PTPN14: variants seen among roughly 807,000 people sequenced by gnomAD.
The protein encoded by PTPN14 is protein tyrosine phosphatase non-receptor type 14.
PTPN14 carries 53 observed loss-of-function variants against 126.8 expected under a neutral mutation model. The observed-to-expected ratio is 0.42, with a 90% CI of 0.34 to 0.53. The LOEUF is 0.53. PTPN14 is among the 20% of genes least tolerant of loss of function. The pLI, the probability that PTPN14 is intolerant of heterozygous loss-of-function variation, is 0.08. For synonymous variants in PTPN14, 630 were observed against 599.3 expected (o/e 1.05, Z -0.75); for missense variants, 1,257 against 1,552.9 (o/e 0.81, Z 3.20).
At chr1:214,528,102 A>G (rs2102465698) in intron 1 of PTPN14, among the ~76,000 whole-genome samples, 1 of 152,364 alleles carries the variant, frequency 6.6e-6, no homozygotes, top group East Asian at 1.9e-4. Context: ...GTGACTAAAT[A>G]CAGCCTTACA....
At chr1:214,377,457 G>A (rs3013452) in intron 14 of PTPN14, among the ~76,000 whole-genome samples, 5 of 152,016 alleles carry the variant, frequency 3.3e-5, no homozygotes, top group Non-Finnish European at 7.4e-5. Context: ...GAAATAATAC[G>A]TACAACAAAC....
chr1:214,505,454 G>C (rs1190803992), intron 1 of PTPN14, among the ~76,000 whole-genome samples: 3 of 152,198 alleles, frequency 2.0e-5, no homozygotes, highest in East Asian at 1.9e-4. Context: ...GTCCCTTCGG[G>C]GGGGTGGGGT....
At chr1:214,402,459 A>AAAAAAAAAAAAAAAAAAAAAC (rs1659045824) in intron 6 of PTPN14, among the ~76,000 whole-genome samples, 1 of 141,984 alleles carries the variant, frequency 7.0e-6, no homozygotes, top group Non-Finnish European at 1.5e-5. Context: ...AAAAAAAAAA[A>AAAAAAAAAAAAAAAAAAAAAC]GCCACGATGA....
At chr1:214,428,355 A>G (rs569945517) in intron 3 of PTPN14, among the ~76,000 whole-genome samples, 11 of 152,318 alleles carry the variant, frequency 7.2e-5, no homozygotes, top group African/African-American at 2.4e-4. Context: ...GACAGACAAA[A>G]CAGATTTGGG....
chr1:214,504,326 G>A (rs77184811), intron 1 of PTPN14, among the ~76,000 whole-genome samples: 8,519 of 152,070 alleles, frequency 0.056, 270 homozygotes, highest in Middle Eastern at 0.13. Context: ...GGCAAGCACC[G>A]GGCAATGGGC....
At chr1:214,459,539 G>C (rs1660462161) in intron 2 of PTPN14, among the ~76,000 whole-genome samples, 1 of 140,966 alleles carries the variant, frequency 7.1e-6, no homozygotes, top group South Asian at 2.2e-4. Flanking sequence ...GCGCGATCTT[G>C]GTTCACTGCA....
chr1:214,464,271 T>G (rs968671650), intron 2 of PTPN14, among the ~76,000 whole-genome samples: 1 of 149,888 alleles, frequency 6.7e-6, no homozygotes, highest in African/African-American at 2.4e-5. Flanking sequence ...TTTTTTCTCC[T>G]TAATGTGCAG....
rs374816833 is a variant in PTPN14, at chr1:214,452,162, T to C, written c.175-188A>G. Among the ~76,000 whole-genome samples the C allele has an allele frequency of 6.8e-4, 104 of 152,336 alleles. 1 individual carries two copies. The highest frequency in any genetic ancestry group is 2.4e-3 in the African/African-American group (98 of 41,586). ...CAACCACACACTACTGTAACATACATGGAGTATCCAGATGCAGTATCCCTA... is the reference window on the plus strand; with the variant it reads ...CAACCACACACTACTGTAACATACACGGAGTATCCAGATGCAGTATCCCTA... On this transcript the variant is annotated intron_variant, in intron 2 of 18. Coordinates refer to ENST00000366956, the MANE Select transcript of PTPN14 (RefSeq NM_005401.5).
chr1:214,421,697 T>C (rs1302499026), intron 3 of PTPN14, among the ~76,000 whole-genome samples: 1 of 152,112 alleles, frequency 6.6e-6, no homozygotes, highest in African/African-American at 2.4e-5. Context: ...TATTTTTTTT[T>C]CCAACTTCAT....
chr1:214,485,885 C>T (rs993194177), intron 1 of PTPN14, among the ~76,000 whole-genome samples: 1 of 152,148 alleles, frequency 6.6e-6, no homozygotes, highest in Admixed American at 6.5e-5. Context: ...GCCGCCACAC[C>T]CAGCTAATTT....
intron 1 of PTPN14, among the ~76,000 whole-genome samples, chr1:214,513,986 A>G (rs1218440705): frequency 1.3e-5 from 2 of 152,184 alleles, no homozygotes; most frequent in Admixed American, 1.3e-4. Flanking sequence ...TAAAATAGGG[A>G]CAGAATTTCA....
intron 1 of PTPN14, among the ~76,000 whole-genome samples, chr1:214,467,524 T>C (rs1179920708): frequency 6.6e-6 from 1 of 151,910 alleles, no homozygotes; most frequent in Non-Finnish European, 1.5e-5. Flanking sequence ...AAATAAAAAG[T>C]AAACTTTAAA....
chr1:214,521,789 T>C (rs907510972), intron 1 of PTPN14, among the ~76,000 whole-genome samples: 2 of 151,230 alleles, frequency 1.3e-5, no homozygotes, highest in African/African-American at 4.9e-5. Context: ...CAACTAAAGG[T>C]AGGAAAATAC....
chr1:214,458,965 A>G (rs1486407171), intron 2 of PTPN14, among the ~76,000 whole-genome samples: 6 of 54,576 alleles, frequency 1.1e-4, no homozygotes, highest in African/African-American at 5.9e-4. Context: ...TGAGCTTCCT[A>G]TATCTCTGGA....
chr1:214,549,061 A>G (rs1290128532), intron 1 of PTPN14, among the ~76,000 whole-genome samples: 2 of 152,194 alleles, frequency 1.3e-5, no homozygotes, highest in Non-Finnish European at 2.9e-5. Flanking sequence ...TCCTGAGATA[A>G]GAAAAGATGC....
At chr1:214,461,014 G>A (rs938698690) in intron 2 of PTPN14, among the ~76,000 whole-genome samples, 1 of 152,036 alleles carries the variant, frequency 6.6e-6, no homozygotes, top group Non-Finnish European at 1.5e-5. Flanking sequence ...CACTCAGGGG[G>A]TGATGTTGAC....
chr1:214,549,327 C>T (rs923883796), intron 1 of PTPN14, among the ~76,000 whole-genome samples: 4 of 152,024 alleles, frequency 2.6e-5, no homozygotes, highest in African/African-American at 9.7e-5. Context: ...CATTAGTCTA[C>T]AAAAATGTGC....
At chr1:214,367,091 T>C (rs1423001969) in intron 17 of PTPN14, among the ~76,000 whole-genome samples, 1 of 152,238 alleles carries the variant, frequency 6.6e-6, no homozygotes, top group Non-Finnish European at 1.5e-5. Flanking sequence ...AAGCTCACTC[T>C]TTCATCAGAG....
rs773153782 is a variant in PTPN14, at chr1:214,384,183, T to A, written c.1672A>T (p.Met558Leu). 3.1e-6 allele frequency: 5 copies of A among 1,605,152 alleles called. No individual in the cohort carries two copies. The South Asian group carries it at 5.6e-5, about 18-fold the overall frequency. The change falls in exon 13 of 19, where the codon ATG (methionine) becomes TTG (leucine). Residue 558 changes from methionine (M) to leucine (L), a missense_variant. Around this residue, in one of 3 missense-constraint regions of PTPN14, gnomAD observed 1,021 missense variants for 1,183.3 expected, o/e 0.86. Transcript: ENST00000366956. The surrounding 1 kb of genome is among the most constrained non-coding windows in gnomAD (Gnocchi z 5.3). Reference sequence around the variant, plus strand: ...GGCCTGAAGAGATAGTTCTTAAGCATGTGGGCCGTGCTGTAGTTATGGCTG... The same window carrying A: ...GGCCTGAAGAGATAGTTCTTAAGCAAGTGGGCCGTGCTGTAGTTATGGCTG... ...QGSHNYSTAH[M>L]LKNYLFRPPP...
Sources: allele counts gnomAD v4.1 joint callset (sites outside exome capture counted in the v4.1 genomes callset), GRCh38; gene constraint gnomAD v4.1.1; regional missense constraint gnomAD v4.1.1; non-coding constraint Gnocchi (gnomAD v3.1); transcripts MANE v1.5; gene names NCBI Gene and HGNC (gene_info 2026-07-23, HGNC 2026-07-21).